Variants in GALNTL6 observed in about 807,000 individuals in gnomAD.
GALNTL6 encodes polypeptide N-acetylgalactosaminyltransferase like 6.
Under a neutral mutation model 73.7 loss-of-function variants are expected in GALNTL6, and 46 were observed. The ratio of observed to expected loss-of-function variants is 0.62; its 90% CI spans 0.49 to 0.80. The LOEUF (loss-of-function observed/expected upper bound fraction) is 0.80. GALNTL6 is among the 30% of genes least tolerant of loss of function. The pLI is 0.00. For missense variants in GALNTL6, 604 were observed against 755.0 expected (o/e 0.80, Z 2.34); for synonymous variants, 259 against 263.7 (o/e 0.98, Z 0.17).
chr4:171,875,058 G>A (rs752750312), intron 2 of GALNTL6, among the ~76,000 whole-genome samples: 2 of 152,178 alleles, frequency 1.3e-5, no homozygotes, highest in Admixed American at 6.5e-5. Context: ...AACAGTAGAT[G>A]GGTTCAAAGG....
At chr4:172,327,804 C>T (rs551252386) in intron 4 of GALNTL6, among the ~76,000 whole-genome samples, 5 of 152,136 alleles carry the variant, frequency 3.3e-5, no homozygotes, top group Non-Finnish European at 7.4e-5. Context: ...TCAGATGGGT[C>T]TTTTGAAGAC....
intron 5 of GALNTL6, among the ~76,000 whole-genome samples, chr4:172,445,940 C>T (rs1005985072): frequency 6.6e-6 from 1 of 152,050 alleles, no homozygotes; most frequent in African/African-American, 2.4e-5. Flanking sequence ...TTGCTGAGTA[C>T]CTGTCCTGTG....
chr4:172,578,291 A>C (rs1365858322), intron 5 of GALNTL6, among the ~76,000 whole-genome samples: 1 of 152,222 alleles, frequency 6.6e-6, no homozygotes, highest in Non-Finnish European at 1.5e-5. Context: ...TCTTTTCACC[A>C]CACTGTATTT....
At chr4:171,991,141 G>C (rs1013226752) in intron 2 of GALNTL6, among the ~76,000 whole-genome samples, 1 of 152,002 alleles carries the variant, frequency 6.6e-6, no homozygotes, top group South Asian at 2.1e-4. Context: ...ATCAAGATAC[G>C]TAATTAAAAG....
chr4:172,791,138 G>A (rs577488493), intron 5 of GALNTL6, among the ~76,000 whole-genome samples: 32 of 152,208 alleles, frequency 2.1e-4, no homozygotes, highest in Middle Eastern at 3.4e-3. Flanking sequence ...AAAAGGTAAA[G>A]GAACAGAAGG....
intron 10 of GALNTL6, among the ~76,000 whole-genome samples, chr4:172,999,567 T>C (rs1300548162): frequency 6.6e-6 from 1 of 152,094 alleles, no homozygotes; most frequent in Non-Finnish European, 1.5e-5. Context: ...AGTAGAACAG[T>C]AGATAAGAGC....
At chr4:172,956,358 A>C (rs1749754446) in intron 10 of GALNTL6, among the ~76,000 whole-genome samples, 3 of 152,230 alleles carry the variant, frequency 2.0e-5, no homozygotes, top group Non-Finnish European at 4.4e-5. Flanking sequence ...GAATAAGACA[A>C]GGAGAAAAAC....
At chr4:173,032,542 C>T (rs542100754) in intron 12 of GALNTL6, among the ~76,000 whole-genome samples, 5 of 151,828 alleles carry the variant, frequency 3.3e-5, no homozygotes, top group African/African-American at 1.2e-4. Context: ...CAAAAATTAG[C>T]TGTGTGTGGT....
At chr4:172,663,119 C>T (rs1731467981) in intron 5 of GALNTL6, among the ~76,000 whole-genome samples, 1 of 152,104 alleles carries the variant, frequency 6.6e-6, no homozygotes, top group African/African-American at 2.4e-5. Context: ...TAAGATGGGG[C>T]TGGAGAGGCA....
intron 9 of GALNTL6, among the ~76,000 whole-genome samples, chr4:172,943,611 T>A (rs1260213349): frequency 6.6e-6 from 1 of 152,200 alleles, no homozygotes; most frequent in Non-Finnish European, 1.5e-5. Context: ...AGGTGGCACA[T>A]TTGAAGCTCA....
chr4:172,136,144 A>G (rs993523567), intron 2 of GALNTL6, among the ~76,000 whole-genome samples: 5 of 152,144 alleles, frequency 3.3e-5, no homozygotes, highest in African/African-American at 1.2e-4. Flanking sequence ...GATAAATTTC[A>G]TAGTTTAGCT....
chr4:172,314,784 A>G (rs1424030790), intron 4 of GALNTL6, among the ~76,000 whole-genome samples: 2 of 151,432 alleles, frequency 1.3e-5, no homozygotes, highest in Non-Finnish European at 2.9e-5. Context: ...AATTTTTTGT[A>G]TTTTTAGTAG....
chr4:172,313,694 A>G (rs1740445135), intron 4 of GALNTL6, among the ~76,000 whole-genome samples: 1 of 152,244 alleles, frequency 6.6e-6, no homozygotes, highest in South Asian at 2.1e-4. Flanking sequence ...ATGTTACGGA[A>G]GAAAAATATG....
intron 5 of GALNTL6, among the ~76,000 whole-genome samples, chr4:172,763,130 A>G (rs6826006): frequency 0.044 from 6,721 of 152,174 alleles, 255 homozygotes; most frequent in African/African-American, 0.1. Context: ...GGGAGAAGAA[A>G]ACAGTTATTA....
chr4:171,935,030 C>T (rs967825775), intron 2 of GALNTL6, among the ~76,000 whole-genome samples: 6 of 152,154 alleles, frequency 3.9e-5, no homozygotes, highest in African/African-American at 1.4e-4. Context: ...TGAGAAAATG[C>T]TGCCATGTTC....
chr4:172,644,458 T>A (rs1370319170), intron 5 of GALNTL6, among the ~76,000 whole-genome samples: 1 of 151,944 alleles, frequency 6.6e-6, no homozygotes, highest in Non-Finnish European at 1.5e-5. Flanking sequence ...ATTAATTTTC[T>A]TTTTTCTTGA....
At chr4:172,742,534 C>A (rs188922145) in intron 5 of GALNTL6, among the ~76,000 whole-genome samples, 28 of 151,796 alleles carry the variant, frequency 1.8e-4, no homozygotes, top group Admixed American at 1.7e-3. Flanking sequence ...GAACCAAGAT[C>A]TGAAAACTAA....
chr4:172,141,625 T>TA (rs940069990), intron 2 of GALNTL6, among the ~76,000 whole-genome samples: 9 of 150,656 alleles, frequency 6.0e-5, no homozygotes, highest in Admixed American at 5.3e-4. Context: ...ATTGCTTAGC[T>TA]AAAAAAAAAT....
At chr4:171,880,838 T>C (rs755893761) in intron 2 of GALNTL6, among the ~76,000 whole-genome samples, 5 of 152,162 alleles carry the variant, frequency 3.3e-5, no homozygotes, top group Non-Finnish European at 5.9e-5. Context: ...CTGTCAATAG[T>C]TGAAAGTCAC....
Sources: gnomAD v4.1 joint callset for allele counts (sites outside exome capture counted in the v4.1 genomes callset) on GRCh38, gnomAD v4.1.1 for gene constraint, MANE v1.5 for transcripts, NCBI Gene and HGNC (gene_info 2026-07-23, HGNC 2026-07-21) for gene names.